Variants in SPACA7 observed in about 807,000 individuals in gnomAD.
SPACA7 encodes sperm acrosome associated 7.
SPACA7 carries 19 observed loss-of-function variants against 26.3 expected under a neutral mutation model. The observed-to-expected ratio is 0.72, with a 90% confidence interval of 0.50 to 1.06. The LOEUF (loss-of-function observed/expected upper bound fraction) is 1.06, where lower values mean the gene tolerates loss of function less well. Among genes scored for constraint, SPACA7 ranks in the 50% least tolerant of loss-of-function variants. The probability of loss-of-function intolerance (pLI) is 0.00; values close to 1 mark genes in which losing one functional copy is unlikely to be tolerated. For missense variants in SPACA7, 211 were observed against 229.9 expected, an observed-to-expected ratio of 0.92 and a Z score of 0.53; for synonymous variants, 84 against 84.5, an observed-to-expected ratio of 0.99 and a Z score of 0.04.
intron 1 of SPACA7, among the ~76,000 whole-genome samples, chr13:112,376,968 C>T (rs1883736574): frequency 6.6e-6 from 1 of 152,196 alleles, no homozygotes; most frequent in Admixed American, 6.5e-5. Flanking sequence ...TATCTCAGCT[C>T]ATACCGTTAA....
chr13:112,391,148 G>C (rs1009620632), intron 1 of SPACA7, among the ~76,000 whole-genome samples: 5 of 152,182 alleles, frequency 3.3e-5, no homozygotes, highest in Non-Finnish European at 7.3e-5. Flanking sequence ...ATGGGTAAGA[G>C]AGAAAAAAGG....
intron 1 of SPACA7, among the ~76,000 whole-genome samples, chr13:112,377,588 C>A (rs1231174696): frequency 6.6e-6 from 1 of 152,034 alleles, no homozygotes; most frequent in African/African-American, 2.4e-5. Flanking sequence ...GTGACCAGGC[C>A]AAGACTAGGG....
At chr13:112,421,000 C>CA (rs1243560835) in intron 5 of SPACA7, among the ~76,000 whole-genome samples, 1 of 151,826 alleles carries the variant, frequency 6.6e-6, no homozygotes, top group Non-Finnish European at 1.5e-5. Flanking sequence ...CATATGAAGA[C>CA]AAAAATAAGG....
At chr13:112,429,914 C>A (rs569335363) in intron 5 of SPACA7, among the ~76,000 whole-genome samples, 1 of 152,230 alleles carries the variant, frequency 6.6e-6, no homozygotes, top group South Asian at 2.1e-4. Context: ...TAAATGGGAC[C>A]AAGCAGCATT....
intron 1 of SPACA7, among the ~76,000 whole-genome samples, chr13:112,377,476 G>A (rs993699038): frequency 2.6e-5 from 4 of 152,138 alleles, no homozygotes; most frequent in African/African-American, 9.7e-5. Flanking sequence ...TTCAATTATT[G>A]TGTATATTGT....
At chr13:112,381,159 A>T (rs1044060198) in intron 1 of SPACA7, among the ~76,000 whole-genome samples, 1 of 152,190 alleles carries the variant, frequency 6.6e-6, no homozygotes, top group African/African-American at 2.4e-5. Flanking sequence ...CGCCAGGGTG[A>T]TGAGTCACCA....
chr13:112,408,020 C>T (rs1886100955), intron 5 of SPACA7, among the ~76,000 whole-genome samples: 2 of 152,172 alleles, frequency 1.3e-5, no homozygotes, highest in Non-Finnish European at 2.9e-5. Flanking sequence ...GCTTATCCAC[C>T]ATGATCAACT....
At chr13:112,384,239 C>A (rs915716242) in intron 1 of SPACA7, among the ~76,000 whole-genome samples, 1 of 151,916 alleles carries the variant, frequency 6.6e-6, no homozygotes, top group Admixed American at 6.6e-5. Flanking sequence ...TTGTGGATGA[C>A]AAAAGAATTA....
intron 5 of SPACA7, among the ~76,000 whole-genome samples, chr13:112,415,708 C>T (rs115373693): frequency 0.012 from 1,813 of 152,280 alleles, 40 homozygotes; most frequent in African/African-American, 0.041. Context: ...CTTCTGCCTC[C>T]CAGACCAGTG....
At chr13:112,420,608 T>C (rs1011582069) in intron 5 of SPACA7, among the ~76,000 whole-genome samples, 1 of 151,956 alleles carries the variant, frequency 6.6e-6, no homozygotes, top group African/African-American at 2.4e-5. Flanking sequence ...ATACATATCA[T>C]TGAAATCACA....
At chr13:112,412,738 G>C (rs1886429984) in intron 5 of SPACA7, among the ~76,000 whole-genome samples, 1 of 152,012 alleles carries the variant, frequency 6.6e-6, no homozygotes, top group Non-Finnish European at 1.5e-5. Context: ...TATGTTCTTA[G>C]TGCCTTTGTT....
chr13:112,400,985 T>G, intron 4 of SPACA7, 84 bp from the exon 5 acceptor site: 1 of 985,586 alleles, frequency 1.0e-6, no homozygotes, highest in Non-Finnish European at 1.6e-6. Context: ...CAACTTAGCA[T>G]GTTTAAATAA....
intron 2 of SPACA7, among the ~76,000 whole-genome samples, chr13:112,396,524 G>C (rs552955297): frequency 6.6e-6 from 1 of 151,798 alleles, no homozygotes; most frequent in South Asian, 2.1e-4. Context: ...CTGAGGCTGG[G>C]CCATCCTTGG....
intron 1 of SPACA7, among the ~76,000 whole-genome samples, chr13:112,380,445 CA>C (rs1381809789): frequency 7.3e-6 from 1 of 137,526 alleles, no homozygotes; most frequent in Non-Finnish European, 1.6e-5. Flanking sequence ...AATAATTCAA[CA>C]AAACTTTGGC....
At chr13:112,434,023 C>T (rs889704155) in intron 6 of SPACA7, among the ~76,000 whole-genome samples, 29 of 152,174 alleles carry the variant, frequency 1.9e-4, no homozygotes, top group African/African-American at 6.0e-4. Flanking sequence ...AGCTCCTGTA[C>T]GTCACCAGCA....
Position 112,427,236 on chromosome 13 carries a change from C to T in SPACA7, c.446-5208C>T, listed in dbSNP as rs537733816. ...GCCTGCCACGGGAACACAAAAGCAA[C>T]GTGAACAGTGTATGAAAGAATGAGC... On this transcript the variant is annotated intron_variant, in intron 5 of 6. Coordinates refer to ENST00000283550, the MANE Select transcript of SPACA7 (RefSeq NM_145248.5). Among the ~76,000 whole-genome samples the T allele has an allele frequency of 1.2e-3, 182 of 152,276 alleles. 2 individuals are homozygous for T. The highest frequency in any genetic ancestry group is 1.5e-3 in the East Asian group (8 of 5,190).
chr13:112,415,334 A>G (rs944411895), intron 5 of SPACA7, among the ~76,000 whole-genome samples: 10 of 152,236 alleles, frequency 6.6e-5, no homozygotes, highest in African/African-American at 2.4e-4. Context: ...TGCAGCTGCT[A>G]CTGCCTAACT....
chr13:112,393,352 G>A (rs1358421468), intron 2 of SPACA7, among the ~76,000 whole-genome samples: 2 of 150,970 alleles, frequency 1.3e-5, no homozygotes, highest in South Asian at 2.1e-4. Context: ...GACCCTCAGC[G>A]TCTGCATCAT....
In SPACA7 at chr13:112,427,067, T is replaced by G. The variant is rs568039618; in HGVS notation, c.446-5377T>G. On this transcript the variant is annotated intron_variant, in intron 5 of 6. Coordinates refer to ENST00000283550, the MANE Select transcript of SPACA7 (RefSeq NM_145248.5). Reference sequence around the variant, plus strand: ...AAGAAGTTGCCTTCCATTCCTAGTTTGCTGAGAGTTTTGTTCATAAATGGA... The same window carrying G: ...AAGAAGTTGCCTTCCATTCCTAGTTGGCTGAGAGTTTTGTTCATAAATGGA... 2.7e-4 allele frequency among the ~76,000 whole-genome samples: 41 copies of G among 152,360 alleles called. 1 individual carries two copies. Among genetic ancestry groups the G allele is most frequent in the South Asian group, 2.1e-4 (1 of 4,832 alleles).
Sources: allele counts gnomAD v4.1 joint callset (sites outside exome capture counted in the v4.1 genomes callset), GRCh38; gene constraint gnomAD v4.1.1; transcripts MANE v1.5; gene names NCBI Gene and HGNC (gene_info 2026-07-23, HGNC 2026-07-21).